The following HS3ST5 variants were observed in gnomAD, a reference collection of about 807,000 sequenced individuals.
The protein encoded by HS3ST5 is heparan sulfate glucosamine 3-O-sulfotransferase 5.
Under a neutral mutation model 25.4 loss-of-function variants are expected in HS3ST5, and 10 were observed. That is an observed-to-expected ratio of 0.39 (90% CI 0.24 to 0.67). The LOEUF is 0.67. Among genes scored for constraint, HS3ST5 ranks in the 30% least tolerant of loss-of-function variants. The pLI is 0.44. For missense variants in HS3ST5, 324 were observed against 420.7 expected (o/e 0.77, Z 2.01); for synonymous variants, 170 against 162.4 (o/e 1.05, Z -0.36).
intron 1 of HS3ST5, among the ~76,000 whole-genome samples, chr6:114,241,538 C>T (rs536363894): frequency 6.6e-6 from 1 of 152,086 alleles, no homozygotes; most frequent in Non-Finnish European, 1.5e-5. Context: ...AAATGTTGGG[C>T]TCTTATCAGG....
chr6:114,154,233 CAAT>C (rs1778592196), intron 3 of HS3ST5, among the ~76,000 whole-genome samples: 1 of 152,084 alleles, frequency 6.6e-6, no homozygotes, highest in African/African-American at 2.4e-5. Flanking sequence ...AGTCTGTGAT[CAAT>C]TATTGCTGCC....
At chr6:114,299,734 G>A (rs1765045) in intron 1 of HS3ST5, among the ~76,000 whole-genome samples, 101,739 of 152,036 alleles carry the variant, frequency 0.67, 34,677 homozygotes, top group African/African-American at 0.77. Context: ...ATAAGACTGA[G>A]TTTTCTAGTG....
chr6:114,112,697 T>C (rs1302909387), intron 3 of HS3ST5, among the ~76,000 whole-genome samples: 1 of 152,220 alleles, frequency 6.6e-6, no homozygotes, highest in Non-Finnish European at 1.5e-5. Context: ...TTTTCCAGAC[T>C]ATCTTACCAC....
chr6:114,102,558 A>T (rs1312228271), intron 3 of HS3ST5, among the ~76,000 whole-genome samples: 1 of 152,144 alleles, frequency 6.6e-6, no homozygotes, highest in Non-Finnish European at 1.5e-5. Flanking sequence ...AAAGGTAATA[A>T]ACTTGGACCA....
chr6:114,191,875 T>C (rs1283353374), intron 2 of HS3ST5, among the ~76,000 whole-genome samples: 1 of 152,192 alleles, frequency 6.6e-6, no homozygotes, highest in Non-Finnish European at 1.5e-5. Flanking sequence ...TAATTGATCA[T>C]GAAGACATAT....
At chr6:114,341,230 A>AGAGAGG (rs1776845609) in intron 1 of HS3ST5, among the ~76,000 whole-genome samples, 1 of 137,586 alleles carries the variant, frequency 7.3e-6, no homozygotes, top group East Asian at 2.2e-4. Flanking sequence ...GGGGAGAGAG[A>AGAGAGG]GAGAGAGAGA....
At chr6:114,155,848 A>G (rs1285877896) in intron 3 of HS3ST5, among the ~76,000 whole-genome samples, 1 of 152,190 alleles carries the variant, frequency 6.6e-6, no homozygotes, top group African/African-American at 2.4e-5. Flanking sequence ...GTGCTTTCAC[A>G]TAGAGTTCCT....
Position 114,295,627 on chromosome 6 carries a change from C to T in HS3ST5, c.-339+46568G>A, listed in dbSNP as rs181281568. On this transcript the variant is annotated intron_variant, in intron 1 of 4. Coordinates refer to ENST00000312719, the MANE Select transcript of HS3ST5 (RefSeq NM_153612.4). ...CCTGTGACCACAAATCTCCTAATAT[C>T]TGAAATAACAACGTGGAGAATAACT... 1.8e-4 allele frequency among the ~76,000 whole-genome samples: 27 copies of T among 152,248 alleles called. No homozygotes were observed. In the East Asian group the frequency reaches 5.0e-3, roughly 28 times the overall value.
chr6:114,183,834 AAC>A (rs1780076894), intron 2 of HS3ST5, among the ~76,000 whole-genome samples: 1 of 152,180 alleles, frequency 6.6e-6, no homozygotes, highest in Admixed American at 6.5e-5. Context: ...TGTTAGTAGA[AAC>A]ACAGATAGTA....
At chr6:114,155,856 C>G (rs1232711823) in intron 3 of HS3ST5, among the ~76,000 whole-genome samples, 12 of 152,212 alleles carry the variant, frequency 7.9e-5, no homozygotes, top group Admixed American at 4.6e-4. Flanking sequence ...ACATAGAGTT[C>G]CTACAACCCC....
At chr6:114,149,537 C>A (rs998063281) in intron 3 of HS3ST5, among the ~76,000 whole-genome samples, 2 of 151,950 alleles carry the variant, frequency 1.3e-5, no homozygotes, top group African/African-American at 4.8e-5. Flanking sequence ...ACAATGAGAA[C>A]ACATAGACAC....
At chr6:114,192,166 A>G (rs1215677070) in intron 2 of HS3ST5, among the ~76,000 whole-genome samples, 1 of 152,220 alleles carries the variant, frequency 6.6e-6, no homozygotes, top group African/African-American at 2.4e-5. Flanking sequence ...TGTTTTTCAC[A>G]GGGTTTTCTA....
chr6:114,146,552 C>T (rs996073626), intron 3 of HS3ST5, among the ~76,000 whole-genome samples: 2 of 152,310 alleles, frequency 1.3e-5, no homozygotes, highest in Admixed American at 6.5e-5. Context: ...AGGGTCTAAG[C>T]AGAGGGCATC....
At chr6:114,309,359 C>T (rs1775435554) in intron 1 of HS3ST5, among the ~76,000 whole-genome samples, 1 of 152,118 alleles carries the variant, frequency 6.6e-6, no homozygotes, top group Admixed American at 6.5e-5. Flanking sequence ...AAAACACATC[C>T]ACCTATTTCT....
chr6:114,240,009 TACACAC>T lies in HS3ST5; in HGVS notation c.-338-11237_-338-11232del, dbSNP rs149926688. 6.0e-5 allele frequency among the ~76,000 whole-genome samples: 9 copies of T among 148,998 alleles called. No individual in the cohort carries two copies. In the East Asian group the frequency reaches 1.4e-3, roughly 23 times the overall value. On this transcript the variant is annotated intron_variant, in intron 1 of 4. Transcript: ENST00000312719. ...CAATTCTTGAGCTTCAGCACACACATACACACACACACACACACACACACACCGCTT... is the reference window on the plus strand; with the variant it reads ...CAATTCTTGAGCTTCAGCACACACATACACACACACACACACACACCGCTT...
chr6:114,153,906 C>T (rs949104300), intron 3 of HS3ST5, among the ~76,000 whole-genome samples: 26 of 152,166 alleles, frequency 1.7e-4, no homozygotes, highest in Admixed American at 9.8e-4. Context: ...TTTAGCTCTT[C>T]GCTGTTCACG....
At chr6:114,174,421 C>G (rs949630928) in intron 2 of HS3ST5, among the ~76,000 whole-genome samples, 1 of 151,336 alleles carries the variant, frequency 6.6e-6, no homozygotes, top group Non-Finnish European at 1.5e-5. Flanking sequence ...TACTGTTAAT[C>G]TCCACAGCTT....
intron 3 of HS3ST5, among the ~76,000 whole-genome samples, chr6:114,105,384 A>T (rs1314464131): frequency 1.3e-5 from 2 of 152,310 alleles, no homozygotes; most frequent in South Asian, 4.1e-4. Flanking sequence ...TGACCTCTTA[A>T]GGAGCAAGTA....
chr6:114,240,760 G>A (rs1041951735), intron 1 of HS3ST5, among the ~76,000 whole-genome samples: 5 of 152,044 alleles, frequency 3.3e-5, no homozygotes, highest in East Asian at 3.9e-4. Flanking sequence ...ACAGCATCTC[G>A]GAGCTTAAAA....
Sources: allele counts gnomAD v4.1 joint callset (sites outside exome capture counted in the v4.1 genomes callset), GRCh38; gene constraint gnomAD v4.1.1; transcripts MANE v1.5; gene names NCBI Gene and HGNC (gene_info 2026-07-23, HGNC 2026-07-21).